Variants in SLC25A33 observed in about 807,000 individuals in gnomAD.
The protein encoded by SLC25A33 is bone marrow stromal cell mitochondrial carrier protein.
SLC25A33 carries 15 observed loss-of-function variants against 35.5 expected under a neutral mutation model. The ratio of observed to expected loss-of-function variants is 0.42; its 90% CI spans 0.28 to 0.65. SLC25A33 has a LOEUF of 0.65. SLC25A33 is among the 30% of genes least tolerant of loss of function. The probability of loss-of-function intolerance (pLI) is 0.20; values close to 1 mark genes in which losing one functional copy is unlikely to be tolerated. For synonymous variants in SLC25A33, 136 were observed against 148.7 expected (o/e 0.91, Z 0.62); for missense variants, 257 against 398.5 (o/e 0.64, Z 3.02).
rs1643670592 is a variant in SLC25A33 at position 9,577,105 on chromosome 1, G to A, written c.483-2849G>A. ...GGGAAGAAAAGAATAGCCAGGTGGGGGCGGCAGAGAAGAGTCTTTTGGGCA... is the reference window on the plus strand; with the variant it reads ...GGGAAGAAAAGAATAGCCAGGTGGGAGCGGCAGAGAAGAGTCTTTTGGGCA... On this transcript the variant is annotated intron_variant, in intron 5 of 6. Transcript: ENST00000302692. The A allele has an allele frequency of 1.6e-5, 8 of 510,020 alleles. No individual in the cohort carries two copies. In the East Asian group the frequency reaches 3.3e-4, roughly 21 times the overall value. The allele number at this position is 510,020 out of a possible 1,614,324, so 31.6% of individuals were successfully genotyped here.
At chr1:9,579,924 T>C (rs1643714644) in intron 5 of SLC25A33, 30 bp from the exon 6 acceptor site, 1 of 1,596,286 alleles carries the variant, frequency 6.3e-7, no homozygotes, top group Non-Finnish European at 8.5e-7. Context: ...TATGTCTCCT[T>C]AACAGCCTGT....
intron 3 of SLC25A33, 96 bp downstream of exon 3, chr1:9,567,457 T>C: frequency 8.6e-7 from 1 of 1,156,738 alleles, no homozygotes; most frequent in Non-Finnish European, 1.3e-6. Flanking sequence ...ACCAGTGTCT[T>C]TTTCTATGTT....
At chr1:9,559,847 G>T (rs1643396922) in intron 2 of SLC25A33, among the ~76,000 whole-genome samples, 1 of 152,018 alleles carries the variant, frequency 6.6e-6, no homozygotes, top group African/African-American at 2.4e-5. Context: ...TTACAGAGAG[G>T]GTCTTTATCT....
At chr1:9,548,538 C>T (rs768080404) in intron 1 of SLC25A33, among the ~76,000 whole-genome samples, 4 of 152,170 alleles carry the variant, frequency 2.6e-5, no homozygotes, top group South Asian at 2.1e-4. Context: ...GCCGAGATCA[C>T]GCTGCTGCAC....
At chr1:9,568,712 G>A (rs548420160) in intron 3 of SLC25A33, among the ~76,000 whole-genome samples, 5 of 152,004 alleles carry the variant, frequency 3.3e-5, no homozygotes, top group African/African-American at 1.2e-4. Context: ...CTAGCCGGGC[G>A]TGATGGCTGG....
chr1:9,540,093 C>T (rs1290217432), intron 1 of SLC25A33, among the ~76,000 whole-genome samples: 2 of 152,186 alleles, frequency 1.3e-5, no homozygotes, highest in South Asian at 2.1e-4. Flanking sequence ...CCCCCCCTCC[C>T]CCGCCCCCTT....
rs186869880 is a variant in SLC25A33, at chr1:9,553,523, G to A, written c.57-103G>A. 1.1e-3 allele frequency: 1,568 copies of A among 1,366,866 alleles called. 2 individuals carry two copies. The highest frequency in any genetic ancestry group is 1.4e-3 in the Non-Finnish European group (1,410 of 990,986). 84.7% of individuals were successfully genotyped at this position (1,366,866 alleles called of 1,614,324 possible). A position where few individuals can be genotyped will look rare whatever the true frequency, so the allele number is the denominator to read the frequency against. On this transcript the variant is annotated intron_variant, in intron 1 of 6. Coordinates refer to ENST00000302692, the MANE Select transcript of SLC25A33 (RefSeq NM_032315.3). ...GCTGGGATTACAGGCGTGAGCCACC[G>A]CGCCCGGCACGTTCTAGTTTTAAAG...
At chr1:9,552,797 A>C (rs1411802535) in intron 1 of SLC25A33, among the ~76,000 whole-genome samples, 1 of 152,050 alleles carries the variant, frequency 6.6e-6, no homozygotes, top group East Asian at 1.9e-4. Flanking sequence ...ATAAAAGGGC[A>C]CTCAGAATAC....
intron 5 of SLC25A33, among the ~76,000 whole-genome samples, chr1:9,576,220 G>A (rs58058462): frequency 0.021 from 3,139 of 152,284 alleles, 104 homozygotes; most frequent in African/African-American, 0.071. Flanking sequence ...AGGGAATTAA[G>A]ACCTAGCTTC....
chr1:9,562,209 A>G (rs1643432881), intron 2 of SLC25A33, among the ~76,000 whole-genome samples: 2 of 151,656 alleles, frequency 1.3e-5, no homozygotes, highest in South Asian at 2.1e-4. Flanking sequence ...TTAGCCAGGT[A>G]TGGTGGTGTA....
rs146420716 is a variant in SLC25A33 at position 9,575,476 on chromosome 1, G to A, written c.482+2064G>A. On this transcript the variant is annotated intron_variant, in intron 5 of 6. Coordinates refer to ENST00000302692, the MANE Select transcript of SLC25A33 (RefSeq NM_032315.3). ...CTAAAAATACAAAAATTAGCCAGGCGTGGTGGTGGGCGCCTGTAATCCTAG... is the reference window on the plus strand; with the variant it reads ...CTAAAAATACAAAAATTAGCCAGGCATGGTGGTGGGCGCCTGTAATCCTAG... 2.7e-3 allele frequency among the ~76,000 whole-genome samples: 410 copies of A among 152,176 alleles called. 12 individuals carry two copies. In the East Asian group the frequency reaches 0.058, roughly 21 times the overall value.
chr1:9,568,711 C>T (rs1643545462), intron 3 of SLC25A33, among the ~76,000 whole-genome samples: 2 of 151,786 alleles, frequency 1.3e-5, no homozygotes, highest in Non-Finnish European at 2.9e-5. Flanking sequence ...ACTAGCCGGG[C>T]GTGATGGCTG....
chr1:9,564,765 T>TATATATATATACACAC (rs59741987), intron 2 of SLC25A33, among the ~76,000 whole-genome samples: 1 of 114,842 alleles, frequency 8.7e-6, no homozygotes, highest in Non-Finnish European at 1.8e-5. Context: ...TATATATATA[T>TATATATATATACACAC]ACACAAAAAT....
At chr1:9,577,012 A>T (rs1231530664) in intron 5 of SLC25A33, 3 of 953,396 alleles carry the variant, frequency 3.1e-6, no homozygotes, top group Non-Finnish European at 4.9e-6. Context: ...CGCTACAGAA[A>T]CAACATGCTG....
intron 2 of SLC25A33, among the ~76,000 whole-genome samples, chr1:9,566,473 T>C (rs577776185): frequency 3.9e-5 from 6 of 152,326 alleles, no homozygotes; most frequent in Middle Eastern, 3.4e-3. Flanking sequence ...GAGGAAATTA[T>C]TCCCTGTGTG....
At chr1:9,539,797 G>C (rs1018820370) in intron 1 of SLC25A33, 50 bp downstream of exon 1, 22 of 1,300,184 alleles carry the variant, frequency 1.7e-5, no homozygotes, top group Non-Finnish European at 2.1e-5. Context: ...CGGTCCCCTC[G>C]GCCTTCGCCC....
Position 9,570,262 on chromosome 1 carries a change from G to A in SLC25A33, c.319G>A (p.Val107Ile), listed in dbSNP as rs762282429. Residue 107 changes from valine to isoleucine, a missense_variant, in exon 4 of 7, where the codon GTA becomes ATA. Transcript: ENST00000302692. The stretch of plus-strand genomic sequence containing the variant: ...ATGTTCTCTTTGTTCTAACAGGGCT[G>A]TATACTTTGCATGTTACTCCAAAGC... Reference protein sequence around the residue: ...NLVGVAPSRAVYFACYSKAKE... With the variant: ...NLVGVAPSRAIYFACYSKAKE... 1 of 1,613,134 alleles carries A rather than the reference G, an allele frequency of 6.2e-7. No homozygotes were observed. Among genetic ancestry groups the A allele is most frequent in the South Asian group, 1.1e-5 (1 of 91,030 alleles).
intron 5 of SLC25A33, chr1:9,576,896 C>T: frequency 7.7e-7 from 1 of 1,298,326 alleles, no homozygotes; most frequent in Non-Finnish European, 1.1e-6. Flanking sequence ...TGCCTTGATT[C>T]AGCAAGCCAC....
chr1:9,582,173 C>T lies in SLC25A33; in HGVS notation c.764-126C>T. The T allele has an allele frequency of 1.1e-5, 11 of 999,790 alleles. No homozygotes were observed. In the South Asian group the frequency reaches 1.7e-4, roughly 16 times the overall value. 61.9% of individuals were successfully genotyped at this position (999,790 alleles called of 1,614,324 possible). On this transcript the variant is annotated intron_variant, in intron 6 of 6. Transcript: ENST00000302692. The surrounding 1 kb of genome is among the most constrained non-coding windows in gnomAD (Gnocchi z 4.0). ...AAGTGATCCACCCGCCTCGGCCTCC[C>T]AAAGTTCTGGGATTACAGGTGTGAG... is the stretch of plus-strand genomic sequence containing the variant.
Sources: allele counts gnomAD v4.1 joint callset (sites outside exome capture counted in the v4.1 genomes callset), GRCh38; gene constraint gnomAD v4.1.1; non-coding constraint Gnocchi (gnomAD v3.1); transcripts MANE v1.5; gene names NCBI Gene and HGNC (gene_info 2026-07-23, HGNC 2026-07-21).